OR2L13: variants seen among roughly 807,000 people sequenced by gnomAD.
The protein encoded by OR2L13 is olfactory receptor 2L13.
Under a neutral mutation model 15.3 loss-of-function variants are expected in OR2L13, and 14 were observed. That is an observed-to-expected ratio of 0.91 (90% confidence interval 0.60 to 1.43). The LOEUF is 1.43. OR2L13 is among the 40% of genes most tolerant of loss of function. The pLI is 0.00. For synonymous variants in OR2L13, 152 were observed against 142.9 expected, an observed-to-expected ratio of 1.06 and a Z score of -0.45; for missense variants, 367 against 387.9, an observed-to-expected ratio of 0.95 and a Z score of 0.45.
the OR2L13 span, among the ~76,000 whole-genome samples, chr1:247,954,066 T>A: frequency 6.6e-6 from 1 of 152,192 alleles, no homozygotes; most frequent in Non-Finnish European, 1.5e-5. Flanking sequence ...TGCATAAAAC[T>A]CATATGCTTT....
chr1:247,952,038 T>C, the OR2L13 span, among the ~76,000 whole-genome samples: 1 of 152,172 alleles, frequency 6.6e-6, no homozygotes, highest in Non-Finnish European at 1.5e-5. Flanking sequence ...CCCCATGTGG[T>C]TGTTGCCTGA....
chr1:248,068,847 T>C, the OR2L13 span, among the ~76,000 whole-genome samples: 3 of 152,112 alleles, frequency 2.0e-5, no homozygotes, highest in South Asian at 2.1e-4. Context: ...CAGGAGCCGA[T>C]GCAATCAACT....
chr1:248,082,789 A>G, the OR2L13 span, among the ~76,000 whole-genome samples: 4 of 152,196 alleles, frequency 2.6e-5, no homozygotes, highest in Non-Finnish European at 5.9e-5. Flanking sequence ...AATTATGTAT[A>G]AGGTTGTTGA....
At chr1:247,955,898 GT>G in the OR2L13 span, among the ~76,000 whole-genome samples, 1 of 151,588 alleles carries the variant, frequency 6.6e-6, no homozygotes, top group African/African-American at 2.4e-5. Flanking sequence ...TAGGTTGCCT[GT>G]TCACTCTGAT....
chr1:247,938,538 A>G, the OR2L13 span, among the ~76,000 whole-genome samples: 1 of 152,212 alleles, frequency 6.6e-6, no homozygotes, highest in Non-Finnish European at 1.5e-5. Flanking sequence ...TTAAAATACA[A>G]AAATAATCTG....
At chr1:248,015,171 T>G in the OR2L13 span, among the ~76,000 whole-genome samples, 1 of 152,332 alleles carries the variant, frequency 6.6e-6, no homozygotes, top group Non-Finnish European at 1.5e-5. Context: ...TCCAAATTCA[T>G]ACCCTTCTCA....
chr1:248,036,021 G>A, the OR2L13 span, among the ~76,000 whole-genome samples: 15 of 151,992 alleles, frequency 9.9e-5, no homozygotes, highest in African/African-American at 2.9e-4. Context: ...ATGTTTTCTA[G>A]AAGACAGAAT....
At chr1:248,043,826 G>A in the OR2L13 span, among the ~76,000 whole-genome samples, 27 of 152,178 alleles carry the variant, frequency 1.8e-4, no homozygotes, top group Middle Eastern at 3.4e-3. Flanking sequence ...TTTATATATA[G>A]AATAAAAAAG....
the OR2L13 span, among the ~76,000 whole-genome samples, chr1:247,967,226 T>C: frequency 1.3e-5 from 2 of 152,096 alleles, no homozygotes; most frequent in African/African-American, 4.8e-5. Context: ...TTTGTTTGTT[T>C]GTTTGTTTTT....
the OR2L13 span, among the ~76,000 whole-genome samples, chr1:247,938,394 G>A: frequency 9.2e-5 from 14 of 152,218 alleles, no homozygotes; most frequent in South Asian, 2.9e-3. Flanking sequence ...CCCAAGAGCA[G>A]CATGAAATCA....
chr1:248,095,607 C>CATTTTTTTT (rs1664715067), upstream of OR2L13, among the ~76,000 whole-genome samples: 1 of 37,294 alleles, frequency 2.7e-5, no homozygotes. Context: ...AAAGCTGCTG[C>CATTTTTTTT]TTTTTTTTTT....
At chr1:248,076,708 G>A in the OR2L13 span, among the ~76,000 whole-genome samples, 1 of 152,186 alleles carries the variant, frequency 6.6e-6, no homozygotes. Flanking sequence ...CTGAGACTTT[G>A]CTGAAGTTGC....
chr1:248,030,661 T>G, the OR2L13 span, among the ~76,000 whole-genome samples: 2 of 152,212 alleles, frequency 1.3e-5, no homozygotes, highest in African/African-American at 4.8e-5. Flanking sequence ...ATGCTCATTA[T>G]AATCTTAATG....
At chr1:248,096,438 T>C (rs574108576), upstream of OR2L13, among the ~76,000 whole-genome samples, 1 of 151,816 alleles carries the variant, frequency 6.6e-6, no homozygotes, top group East Asian at 1.9e-4. Context: ...AAAGGTAACA[T>C]GAACTTGTTA....
At chr1:247,983,597 A>G in the OR2L13 span, among the ~76,000 whole-genome samples, 2 of 152,130 alleles carry the variant, frequency 1.3e-5, no homozygotes, top group Admixed American at 6.6e-5. Flanking sequence ...TAAATTACTT[A>G]GACAGATATA....
At chr1:247,963,697 T>C in the OR2L13 span, among the ~76,000 whole-genome samples, 2 of 152,226 alleles carry the variant, frequency 1.3e-5, no homozygotes, top group Non-Finnish European at 2.9e-5. Flanking sequence ...GAAAAACATT[T>C]AGAATTTAGG....
At chr1:248,000,511 C>A in the OR2L13 span, among the ~76,000 whole-genome samples, 2,348 of 152,260 alleles carry the variant, frequency 0.015, 61 homozygotes, top group African/African-American at 0.053. Context: ...GGAAAGAGAT[C>A]CATGCAACGC....
chr1:247,977,781 C>T, the OR2L13 span, among the ~76,000 whole-genome samples: 1 of 152,044 alleles, frequency 6.6e-6, no homozygotes, highest in African/African-American at 2.4e-5. Flanking sequence ...AAATGTTTTC[C>T]GGATCCTGAA....
the OR2L13 span, among the ~76,000 whole-genome samples, chr1:247,946,210 A>C: frequency 6.6e-6 from 1 of 152,054 alleles, no homozygotes; most frequent in Non-Finnish European, 1.5e-5. Flanking sequence ...ACATCCTATA[A>C]TTTTCCTGAT....
Sources: allele counts gnomAD v4.1 joint callset (sites outside exome capture counted in the v4.1 genomes callset), GRCh38; gene constraint gnomAD v4.1.1; transcripts MANE v1.5; gene names NCBI Gene and HGNC (gene_info 2026-07-23, HGNC 2026-07-21).